Variants in CENPM observed in about 807,000 individuals in gnomAD.
CENPM encodes interphase centromere complex protein 39.
In CENPM, 14 loss-of-function variants were observed where a neutral mutation model predicts 19.6. That is an observed-to-expected ratio of 0.71 (90% confidence interval 0.47 to 1.11). CENPM has a LOEUF of 1.11. Ranked by LOEUF, CENPM falls within the 50% of genes most tolerant of loss-of-function variation. CENPM has a pLI of 0.00. For missense variants in CENPM, 239 were observed against 228.4 expected, an observed-to-expected ratio of 1.05 and a Z score of -0.30; for synonymous variants, 114 against 101.5, an observed-to-expected ratio of 1.12 and a Z score of -0.74.
chr22:41,946,997 G>T (rs549358080), intron 1 of CENPM, 23 bp downstream of exon 1: 2 of 1,611,714 alleles, frequency 1.2e-6, no homozygotes, highest in Non-Finnish European at 1.7e-6. Context: ...ACCGGCGGGG[G>T]AAGCAGGGCC....
the CENPM span, among the ~76,000 whole-genome samples, chr22:41,929,615 C>T: frequency 2.0e-5 from 3 of 152,314 alleles, no homozygotes; most frequent in South Asian, 2.1e-4. Flanking sequence ...CTTACCTTGG[C>T]CAGAGAGGGA....
chr22:41,946,711 G>C, intron 1 of CENPM: 1 of 595,280 alleles, frequency 1.7e-6, no homozygotes, highest in Non-Finnish European at 3.0e-6. Flanking sequence ...TCTACTACCC[G>C]ACCCTCGCTC....
the CENPM span, among the ~76,000 whole-genome samples, chr22:41,932,353 C>T: frequency 1.3e-5 from 2 of 152,308 alleles, no homozygotes; most frequent in South Asian, 2.1e-4. This position sits in a 1 kb window ranked among gnomAD's most constrained non-coding sequence, Gnocchi z 4.3. Flanking sequence ...AGAGTGGCCA[C>T]GGAATCAGCA....
chr22:41,931,435 G>A, the CENPM span, among the ~76,000 whole-genome samples: 1 of 151,636 alleles, frequency 6.6e-6, no homozygotes, highest in African/African-American at 2.4e-5. Context: ...AGCTGAGGTC[G>A]TGCCACTGCA....
At chr22:41,940,135 A>G (rs934066726) in intron 5 of CENPM, 1 of 769,700 alleles carries the variant, frequency 1.3e-6, no homozygotes, top group African/African-American at 1.7e-5. Flanking sequence ...CCTGCCTGCC[A>G]GACCTTGAGC....
intron 1 of CENPM, 74 bp downstream of exon 1, chr22:41,946,946 C>G (rs2077812467): frequency 2.0e-6 from 3 of 1,479,100 alleles, no homozygotes; most frequent in South Asian, 2.3e-5. Context: ...CCTCAGAGAG[C>G]TCAGTTGACC....
chr22:41,940,940 C>T (rs1350582314), intron 5 of CENPM, among the ~76,000 whole-genome samples: 1 of 152,186 alleles, frequency 6.6e-6, no homozygotes, highest in Non-Finnish European at 1.5e-5. Context: ...ATGCCCAGGT[C>T]TGACCACAAT....
At chr22:41,931,459 G>A in the CENPM span, among the ~76,000 whole-genome samples, 1 of 151,224 alleles carries the variant, frequency 6.6e-6, no homozygotes, top group Non-Finnish European at 1.5e-5. Context: ...CAGCCTGGCT[G>A]ACAGAGCGAG....
At chr22:41,933,058 G>A in the CENPM span, among the ~76,000 whole-genome samples, 1 of 152,164 alleles carries the variant, frequency 6.6e-6, no homozygotes, top group Non-Finnish European at 1.5e-5. Flanking sequence ...TTTCAAACAG[G>A]GGAGTCAGAG....
the CENPM span, among the ~76,000 whole-genome samples, chr22:41,931,313 T>TAA: frequency 2.8e-5 from 4 of 143,038 alleles, no homozygotes; most frequent in South Asian, 2.1e-4. Flanking sequence ...TATAAGAAAT[T>TAA]TAAAAAAAAA....
chr22:41,940,359 G>C, intron 5 of CENPM: 1 of 563,146 alleles, frequency 1.8e-6, no homozygotes, highest in Non-Finnish European at 3.2e-6. Context: ...TACCCCATTT[G>C]TTTCCTTGAC....
intron 3 of CENPM, 143 bp from the exon 4 acceptor site, chr22:41,945,447 ATTTTTTT>A (rs377012454): frequency 2.3e-4 from 254 of 1,099,866 alleles, no homozygotes; most frequent in Middle Eastern, 2.2e-3. Context: ...TTGTCCTTTA[ATTTTTTT>A]TTTTTTTTTT....
At chr22:41,934,212 C>A (rs907507970), downstream of CENPM, among the ~76,000 whole-genome samples, 9 of 152,188 alleles carry the variant, frequency 5.9e-5, no homozygotes, top group Non-Finnish European at 1.2e-4. Context: ...CTAGGAAGGT[C>A]CTGCCTCCTT....
At chr22:41,944,830 C>T (rs531480898) in intron 4 of CENPM, 2 of 1,024,498 alleles carry the variant, frequency 2.0e-6, no homozygotes, top group African/African-American at 1.7e-5. Context: ...AACCACTAGG[C>T]AACTCCAAGT....
the CENPM span, among the ~76,000 whole-genome samples, chr22:41,933,252 G>A: frequency 6.6e-6 from 1 of 152,122 alleles, no homozygotes; most frequent in African/African-American, 2.4e-5. Flanking sequence ...TTTACAAAGA[G>A]GGAAAGCAGG....
chr22:41,928,425 G>C, the CENPM span, among the ~76,000 whole-genome samples: 26 of 152,150 alleles, frequency 1.7e-4, no homozygotes, highest in African/African-American at 6.3e-4. The surrounding 1 kb of genome is among the most constrained non-coding windows in gnomAD (Gnocchi z 4.0). Context: ...GCCAGGGCTG[G>C]AGGGAACTCT....
Position 41,946,896 on chromosome 22 carries a change from A to G in CENPM, c.57+124T>C, listed in dbSNP as rs1318708837. 35 of 963,932 alleles carry G rather than the reference A, an allele frequency of 3.6e-5. No homozygotes were observed. In the South Asian group the frequency reaches 4.8e-4, roughly 13 times the overall value. The allele number at this position is 963,932 out of a possible 1,614,324, so 59.7% of individuals were successfully genotyped here. The stretch of plus-strand genomic sequence containing the variant: ...TGGTTCAGAGCATGGCTCTCCGCCT[A>G]TTCCCCGCCCCCGCCACGGTAGCGC... On this transcript the variant is annotated intron_variant, in intron 1 of 5. Coordinates refer to ENST00000215980, the MANE Select transcript of CENPM (RefSeq NM_024053.5).
chr22:41,931,200 G>A, the CENPM span, among the ~76,000 whole-genome samples: 2 of 151,180 alleles, frequency 1.3e-5, no homozygotes, highest in East Asian at 2.0e-4. Context: ...CTGGTGTGGT[G>A]GCTCATGCCT....
chr22:41,946,705 C>G lies in CENPM; in HGVS notation c.58-209G>C, dbSNP rs574072503. ...AGGCCTGTGGGCACCGCACTCTCTA[C>G]TACCCGACCCTCGCTCCCACCGCCG... On this transcript the variant is annotated intron_variant, in intron 1 of 5. Coordinates refer to ENST00000215980, the MANE Select transcript of CENPM (RefSeq NM_024053.5). 6.7e-6 allele frequency: 4 copies of G among 598,238 alleles called. No homozygotes were observed. The East Asian group carries it at 1.1e-4, about 17-fold the overall frequency. 37.1% of individuals were successfully genotyped at this position (598,238 alleles called of 1,614,324 possible). A position where few individuals can be genotyped will look rare whatever the true frequency, so the allele number is the denominator to read the frequency against.
Sources: allele counts gnomAD v4.1 joint callset (sites outside exome capture counted in the v4.1 genomes callset), GRCh38; gene constraint gnomAD v4.1.1; non-coding constraint Gnocchi (gnomAD v3.1); transcripts MANE v1.5; gene names NCBI Gene and HGNC (gene_info 2026-07-23, HGNC 2026-07-21).